Variants in DPYD observed in about 807,000 individuals in gnomAD.
The protein encoded by DPYD is dihydropyrimidine dehydrogenase [NADP(+)].
Under a neutral mutation model 116.2 loss-of-function variants are expected in DPYD, and 109 were observed. The observed-to-expected ratio is 0.94, with a 90% CI of 0.80 to 1.10. The LOEUF is 1.10. Among genes scored for constraint, DPYD ranks in the 50% least tolerant of loss-of-function variants. DPYD has a pLI of 0.00. For synonymous variants in DPYD, 440 were observed against 432.0 expected (o/e 1.02, Z -0.23); for missense variants, 1,302 against 1,254.5 (o/e 1.04, Z -0.57).
intron 6 of DPYD, 64 bp from the exon 7 acceptor site, chr1:97,691,862 T>TA: frequency 1.6e-6 from 2 of 1,270,560 alleles, no homozygotes; most frequent in Admixed American, 1.7e-5. Context: ...TGACCAATCT[T>TA]AAAAAAAGGT....
intron 3 of DPYD, among the ~76,000 whole-genome samples, chr1:97,788,978 AT>A (rs1241358166): frequency 1.6e-4 from 24 of 152,020 alleles, no homozygotes; most frequent in Middle Eastern, 3.4e-3. Flanking sequence ...TAATTTTTGT[AT>A]TTTTTGTAGA....
intron 13 of DPYD, among the ~76,000 whole-genome samples, chr1:97,467,607 ACT>A (rs1458511051): frequency 1.3e-5 from 2 of 151,746 alleles, no homozygotes; most frequent in South Asian, 2.1e-4. Context: ...TAAATGCTTC[ACT>A]CTCTCTCGCT....
intron 8 of DPYD, among the ~76,000 whole-genome samples, chr1:97,632,332 G>A (rs190732055): frequency 4.5e-4 from 69 of 152,196 alleles, no homozygotes; most frequent in Middle Eastern, 3.4e-3. Context: ...CCATTCCAGC[G>A]ATGTAATCCT....
At chr1:97,623,830 G>A (rs535315135) in intron 8 of DPYD, among the ~76,000 whole-genome samples, 17 of 151,982 alleles carry the variant, frequency 1.1e-4, no homozygotes, top group South Asian at 4.1e-4. Context: ...ATAAACCCAT[G>A]CATATATGAT....
At position 97,100,352 on chromosome 1, in the gene DPYD, C is replaced by CG. The variant is rs1474617007; in HGVS notation, c.2623-1721dup. ...GGTCAGATAACACCACATAAGGTGG[C>CG]GAGCACACGTCCACATGATATAAAT... is the stretch of plus-strand genomic sequence containing the variant. On this transcript the variant is annotated intron_variant, in intron 20 of 22. Transcript: ENST00000370192. Among the ~76,000 whole-genome samples the CG allele has an allele frequency of 2.0e-5, 3 of 151,950 alleles. No homozygotes were observed. The East Asian group carries it at 5.8e-4, about 29-fold the overall frequency.
At chr1:97,130,146 C>G (rs1362819740) in intron 20 of DPYD, among the ~76,000 whole-genome samples, 1 of 152,136 alleles carries the variant, frequency 6.6e-6, no homozygotes, top group African/African-American at 2.4e-5. Flanking sequence ...GAAGGATCCA[C>G]TTTTCTGAAT....
At chr1:97,196,645 A>G (rs1658834225) in intron 19 of DPYD, among the ~76,000 whole-genome samples, 1 of 152,174 alleles carries the variant, frequency 6.6e-6, no homozygotes, top group Admixed American at 6.5e-5. Context: ...TTAGTCCTCA[A>G]GATAACCCTA....
intron 2 of DPYD, among the ~76,000 whole-genome samples, chr1:97,832,045 T>TTTTGTGTGTGTG (rs373676873): frequency 9.0e-5 from 12 of 134,014 alleles, no homozygotes; most frequent in South Asian, 5.3e-4. Context: ...ATATAATGTA[T>TTTTGTGTGTGTG]TGTGTGTGTG....
intron 8 of DPYD, among the ~76,000 whole-genome samples, chr1:97,675,411 T>C (rs76353325): frequency 0.082 from 12,476 of 152,270 alleles, 670 homozygotes; most frequent in Middle Eastern, 0.12. Flanking sequence ...ATCTCAGTAC[T>C]TAGAAGAAGC....
intron 12 of DPYD, among the ~76,000 whole-genome samples, chr1:97,530,367 A>G (rs193099540): frequency 0.039 from 5,913 of 151,490 alleles, 371 homozygotes; most frequent in African/African-American, 0.14. Context: ...ACAGGCGCCC[A>G]CCACCACGCC....
At chr1:97,433,748 G>C (rs1291471766) in intron 14 of DPYD, among the ~76,000 whole-genome samples, 1 of 152,092 alleles carries the variant, frequency 6.6e-6, no homozygotes, top group African/African-American at 2.4e-5. Context: ...CAACAACTGT[G>C]AGTCATAAAA....
chr1:97,720,937 A>G, intron 5 of DPYD: 1 of 1,606,384 alleles, frequency 6.2e-7, no homozygotes, highest in Non-Finnish European at 8.5e-7. Context: ...CTATGGGATA[A>G]ACAGAAAAAA....
intron 1 of DPYD, chr1:97,883,930 C>CA (rs1293240979): frequency 1.8e-4 from 77 of 418,382 alleles, no homozygotes; most frequent in East Asian, 7.1e-4. Context: ...TTTGGTTTTC[C>CA]AAAAAAAAGT....
intron 20 of DPYD, among the ~76,000 whole-genome samples, chr1:97,109,296 C>T (rs1398121365): frequency 1.3e-5 from 2 of 152,066 alleles, no homozygotes; most frequent in Non-Finnish European, 2.9e-5. Context: ...AAAAATGTCA[C>T]AGAGTATTAA....
intron 2 of DPYD, among the ~76,000 whole-genome samples, chr1:97,852,200 T>C (rs964987875): frequency 6.6e-6 from 1 of 152,082 alleles, no homozygotes; most frequent in Non-Finnish European, 1.5e-5. Flanking sequence ...TAAAAACTAA[T>C]CATTTGAATT....
At chr1:97,613,809 T>A (rs545240649) in intron 8 of DPYD, among the ~76,000 whole-genome samples, 30 of 152,180 alleles carry the variant, frequency 2.0e-4, no homozygotes, top group Non-Finnish European at 3.7e-4. Context: ...GTAGAAAGGA[T>A]AATGTCATAG....
chr1:97,383,793 C>T lies in DPYD; in HGVS notation c.1906-1332G>A, dbSNP rs115240338. On this transcript the variant is annotated intron_variant, in intron 14 of 22. Transcript: ENST00000370192. ...ACTTGATACACGTAAGTAATTATTT[C>T]CTACCATTATCATTTAAAGACTATG... Among the ~76,000 whole-genome samples the T allele has an allele frequency of 3.8e-3, 574 of 152,132 alleles. 6 individuals carry two copies. The highest frequency in any genetic ancestry group is 0.013 in the African/African-American group (542 of 41,530).
At chr1:97,088,544 C>A (rs1427442435) in intron 21 of DPYD, among the ~76,000 whole-genome samples, 1 of 152,132 alleles carries the variant, frequency 6.6e-6, no homozygotes, top group African/African-American at 2.4e-5. Context: ...CCCTATTAAC[C>A]ATCTGGTTAC....
At chr1:97,664,051 C>G (rs1393236252) in intron 8 of DPYD, among the ~76,000 whole-genome samples, 1 of 152,114 alleles carries the variant, frequency 6.6e-6, no homozygotes, top group African/African-American at 2.4e-5. Flanking sequence ...CTGTAAGCCT[C>G]TTGATAACAA....
Sources: allele counts gnomAD v4.1 joint callset (sites outside exome capture counted in the v4.1 genomes callset), GRCh38; gene constraint gnomAD v4.1.1; transcripts MANE v1.5; gene names NCBI Gene and HGNC (gene_info 2026-07-23, HGNC 2026-07-21).